DNAI2: variants seen among roughly 807,000 people sequenced by gnomAD.
DNAI2 encodes dynein axonemal intermediate chain 2, also known as dynein, axonemal, intermediate polypeptide 2.
DNAI2 carries 63 observed loss-of-function variants against 74.7 expected under a neutral mutation model. The observed-to-expected ratio is 0.84, with a 90% confidence interval of 0.69 to 1.04. The LOEUF (loss-of-function observed/expected upper bound fraction) is 1.04. DNAI2 is among the 50% of genes least tolerant of loss of function. The probability of loss-of-function intolerance (pLI) is 0.00; values close to 1 mark genes in which losing one functional copy is unlikely to be tolerated. For synonymous variants in DNAI2, 289 were observed against 314.9 expected, an observed-to-expected ratio of 0.92 and a Z score of 0.87; for missense variants, 688 against 803.2, an observed-to-expected ratio of 0.86 and a Z score of 1.73.
At chr17:74,309,160 C>CT in intron 9 of DNAI2, 93 bp from the exon 10 acceptor site, 1 of 1,433,520 alleles carries the variant, frequency 7.0e-7, no homozygotes, top group Non-Finnish European at 9.7e-7. Context: ...TAGCAAGACT[C>CT]TGAGATCCTG....
At chr17:74,288,190 C>T (rs1308329391) in intron 4 of DNAI2, among the ~76,000 whole-genome samples, 3 of 152,190 alleles carry the variant, frequency 2.0e-5, no homozygotes, top group African/African-American at 7.2e-5. Flanking sequence ...GTTTTCCACC[C>T]TCAGTACAGT....
intron 1 of DNAI2, among the ~76,000 whole-genome samples, chr17:74,281,086 C>CAAAA (rs60399157): frequency 0.019 from 1,126 of 58,702 alleles, 59 homozygotes; most frequent in African/African-American, 0.065. Context: ...GCCTTTGTCT[C>CAAAA]AAAAAAAAAA....
intron 8 of DNAI2, among the ~76,000 whole-genome samples, chr17:74,304,852 A>G (rs1320037): frequency 0.54 from 82,343 of 152,006 alleles, 23,215 homozygotes; most frequent in Non-Finnish European, 0.65. Context: ...GCCACCCTGC[A>G]TCCCCTCCCT....
chr17:74,283,359 G>C (rs1216418048), intron 2 of DNAI2, among the ~76,000 whole-genome samples: 3 of 152,226 alleles, frequency 2.0e-5, no homozygotes, highest in African/African-American at 7.2e-5. Context: ...TGTAATCCCA[G>C]TACTTTGGGA....
chr17:74,295,810 G>A (rs1277229843), intron 6 of DNAI2, among the ~76,000 whole-genome samples: 2 of 152,128 alleles, frequency 1.3e-5, no homozygotes, highest in African/African-American at 2.4e-5. Flanking sequence ...TGTATTCCCT[G>A]TCACGTGTGA....
chr17:74,290,181 T>C (rs557668886), intron 5 of DNAI2, among the ~76,000 whole-genome samples: 2 of 152,292 alleles, frequency 1.3e-5, no homozygotes, highest in South Asian at 4.1e-4. Flanking sequence ...TTGTGCTTGA[T>C]GGTGGGTGCC....
chr17:74,287,146 T>C lies in DNAI2; in HGVS notation c.467+48T>C, dbSNP rs370124079. 76 of 1,607,924 alleles carry C rather than the reference T, an allele frequency of 4.7e-5. No homozygotes were observed. In the Admixed American group the frequency reaches 9.4e-4, roughly 20 times the overall value. Reference sequence around the variant, plus strand: ...GTCTGGCCACCCTCCGTCACCCCCATGCATGGGCGCCTCCAAAGGCAACTC... The same window carrying C: ...GTCTGGCCACCCTCCGTCACCCCCACGCATGGGCGCCTCCAAAGGCAACTC... On this transcript the variant is annotated intron_variant, in intron 4 of 13. Coordinates refer to ENST00000311014, the MANE Select transcript of DNAI2 (RefSeq NM_023036.6).
At chr17:74,284,049 A>G (rs1598275194) in intron 2 of DNAI2, among the ~76,000 whole-genome samples, 1 of 151,060 alleles carries the variant, frequency 6.6e-6, no homozygotes, top group African/African-American at 2.4e-5. Flanking sequence ...GAAGCAGGAG[A>G]CTCACTTGAA....
intron 10 of DNAI2, 142 bp downstream of exon 10, chr17:74,309,530 T>C: frequency 8.4e-7 from 1 of 1,194,780 alleles, no homozygotes; most frequent in Non-Finnish European, 1.2e-6. Flanking sequence ...GTGTGCAGGC[T>C]GACTGCAGCG....
chr17:74,306,846 G>A (rs1300689547), intron 9 of DNAI2, among the ~76,000 whole-genome samples: 1 of 152,238 alleles, frequency 6.6e-6, no homozygotes, highest in Non-Finnish European at 1.5e-5. Flanking sequence ...TCAAACTCCT[G>A]ACCTCAGGTG....
At chr17:74,312,631 G>A (rs72848291) in intron 12 of DNAI2, among the ~76,000 whole-genome samples, 33 of 152,286 alleles carry the variant, frequency 2.2e-4, no homozygotes, top group Non-Finnish European at 3.1e-4. Flanking sequence ...GGACATTAGC[G>A]GTGTGCACGT....
chr17:74,284,320 T>C (rs2051570049), intron 2 of DNAI2, among the ~76,000 whole-genome samples: 1 of 151,844 alleles, frequency 6.6e-6, no homozygotes, highest in Non-Finnish European at 1.5e-5. Flanking sequence ...AAACTTGGAG[T>C]TTTAACGTTC....
intron 12 of DNAI2, among the ~76,000 whole-genome samples, chr17:74,313,292 CT>C (rs913920362): frequency 2.0e-5 from 3 of 152,174 alleles, no homozygotes; most frequent in African/African-American, 7.2e-5. Context: ...CTCCCTCCCC[CT>C]GGGTCTAAAG....
rs184191474 is a variant in DNAI2 at position 74,289,837 on chromosome 17, G to A, written c.610+101G>A. On this transcript the variant is annotated intron_variant, in intron 5 of 13. Coordinates refer to ENST00000311014, the MANE Select transcript of DNAI2 (RefSeq NM_023036.6). ...GGGGCAGGAGGTCAAGGACACTCAC[G>A]CGGTTGGTGCCTCAAGGGAAGGGCC... 4,047 of 1,493,894 alleles carry A rather than the reference G, an allele frequency of 2.7e-3. 8 individuals carry two copies. The highest frequency in any genetic ancestry group is 3.4e-3 in the Non-Finnish European group (3,735 of 1,087,078). 92.5% of individuals were successfully genotyped at this position (1,493,894 alleles called of 1,614,324 possible).
At chr17:74,309,688 G>T in intron 10 of DNAI2, 1 of 650,050 alleles carries the variant, frequency 1.5e-6, no homozygotes, top group Non-Finnish European at 2.8e-6. Flanking sequence ...TTCCTTCAGA[G>T]CCCCTGGGGT....
intron 4 of DNAI2, among the ~76,000 whole-genome samples, chr17:74,287,562 A>T (rs553952872): frequency 1.9e-4 from 29 of 152,306 alleles, no homozygotes; most frequent in African/African-American, 7.0e-4. Flanking sequence ...CAGAGGGTGT[A>T]TGCCAGCCAA....
chr17:74,298,340 T>C (rs1486698459), intron 6 of DNAI2, among the ~76,000 whole-genome samples: 11 of 152,252 alleles, frequency 7.2e-5, no homozygotes, highest in Non-Finnish European at 1.2e-4. Context: ...AGCCTTGCTT[T>C]GTTGCCCAGG....
rs554940399 is a variant in DNAI2, at chr17:74,309,375, C to T, written c.1334C>T (p.Thr445Ile). 6.2e-7 allele frequency: 1 copy of T among 1,614,190 alleles called. No homozygotes were observed. The highest frequency in any genetic ancestry group is 1.1e-5 in the South Asian group (1 of 91,076). Residue 445 changes from threonine to isoleucine, a missense_variant, in exon 10 of 14, where the codon ACC becomes ATC. Physicochemically the swap from Thr to Ile is moderately conservative, Grantham distance 89 (BLOSUM62 -1). Transcript: ENST00000311014. ...TTCATGTTCGAGCAGTGCGATCCCA[C>T]CCTCAGCTTGAAGGTCACGCGCATG... ...WDFMFEQCDP[T>I]LSLKVCDEAL...
chr17:74,287,119 G>C, intron 4 of DNAI2, 21 bp downstream of exon 4: 2 of 1,613,188 alleles, frequency 1.2e-6, no homozygotes, highest in Non-Finnish European at 1.7e-6. Context: ...AGCCAGGCAG[G>C]TGTCTGGCCA....
Sources: gnomAD v4.1 joint callset for allele counts (sites outside exome capture counted in the v4.1 genomes callset) on GRCh38, gnomAD v4.1.1 for gene constraint, MANE v1.5 for transcripts, NCBI Gene and HGNC (gene_info 2026-07-23, HGNC 2026-07-21) for gene names.